DTNA: variants seen among roughly 807,000 people sequenced by gnomAD.
DTNA encodes the protein dystrobrevin alpha, also known as dystrophin-related protein 3.
In DTNA, 43 loss-of-function variants were observed where a neutral mutation model predicts 100.7. The observed-to-expected ratio is 0.43, with a 90% CI of 0.33 to 0.55. The LOEUF (loss-of-function observed/expected upper bound fraction) is 0.55. Ranked by LOEUF, DTNA falls within the 20% of genes least tolerant of loss-of-function variation. The pLI is 0.04. For synonymous variants in DTNA, 349 were observed against 347.9 expected (o/e 1.00, Z -0.04); for missense variants, 798 against 953.9 (o/e 0.84, Z 2.15).
At chr18:34,654,008 T>C (rs1194201887) in intron 1 of DTNA, among the ~76,000 whole-genome samples, 1 of 152,186 alleles carries the variant, frequency 6.6e-6, no homozygotes, top group African/African-American at 2.4e-5. Flanking sequence ...TTTCAGATAA[T>C]TTACTAAAGC....
intron 1 of DTNA, among the ~76,000 whole-genome samples, chr18:34,629,245 G>C (rs1339432785): frequency 6.6e-6 from 1 of 152,032 alleles, no homozygotes; most frequent in Non-Finnish European, 1.5e-5. Flanking sequence ...GTTTTTCCCA[G>C]TGCTTGAAAA....
chr18:34,808,211 A>G (rs2095411886), intron 5 of DTNA, among the ~76,000 whole-genome samples: 1 of 152,160 alleles, frequency 6.6e-6, no homozygotes, highest in African/African-American at 2.4e-5. Context: ...CCTTTAACAT[A>G]CCAGGCTAAT....
At chr18:34,781,816 G>A (rs2094335796) in intron 3 of DTNA, among the ~76,000 whole-genome samples, 1 of 152,176 alleles carries the variant, frequency 6.6e-6, no homozygotes, top group Admixed American at 6.5e-5. Flanking sequence ...TAATGCAGTT[G>A]CTACTTACTC....
At chr18:34,736,460 A>G (rs772931942) in intron 1 of DTNA, among the ~76,000 whole-genome samples, 1 of 152,174 alleles carries the variant, frequency 6.6e-6, no homozygotes, top group South Asian at 2.1e-4. Flanking sequence ...TCATACAGCT[A>G]TTTTGTCATG....
chr18:34,791,725 TCTG>T (rs1385008066), intron 3 of DTNA, among the ~76,000 whole-genome samples: 1 of 152,250 alleles, frequency 6.6e-6, no homozygotes, highest in African/African-American at 2.4e-5. Context: ...TTTGTACTCA[TCTG>T]CTCCAAATCA....
At chr18:34,866,998 A>T (rs1248257907) in intron 17 of DTNA, 3 of 1,213,694 alleles carry the variant, frequency 2.5e-6, no homozygotes, top group Admixed American at 4.3e-5. Context: ...AAAACAAATT[A>T]AATTAAATTA....
intron 4 of DTNA, among the ~76,000 whole-genome samples, chr18:34,804,814 A>T (rs918686702): frequency 1.3e-5 from 2 of 152,152 alleles, no homozygotes; most frequent in Non-Finnish European, 2.9e-5. Flanking sequence ...AATATGAAAG[A>T]GTCACTAGCA....
At chr18:34,744,534 A>C in intron 1 of DTNA, among the ~76,000 whole-genome samples, 1 of 152,206 alleles carries the variant, frequency 6.6e-6, no homozygotes, top group East Asian at 1.9e-4. Flanking sequence ...GAAACGAAGA[A>C]GGTGAATAAA....
intron 1 of DTNA, among the ~76,000 whole-genome samples, chr18:34,753,366 A>T (rs867412017): frequency 1.7e-3 from 231 of 132,994 alleles, no homozygotes; most frequent in African/African-American, 6.2e-3. Context: ...TATTTATTTT[A>T]TTTTTTTTTT....
At chr18:34,863,145 G>C (rs2096651163) in intron 16 of DTNA, among the ~76,000 whole-genome samples, 1 of 152,128 alleles carries the variant, frequency 6.6e-6, no homozygotes. Context: ...AATTTATTTG[G>C]AAAGTATACA....
chr18:34,552,172 T>A (rs1053108067), intron 1 of DTNA, among the ~76,000 whole-genome samples: 2 of 152,134 alleles, frequency 1.3e-5, no homozygotes, highest in African/African-American at 2.4e-5. Flanking sequence ...TTTTCCATCG[T>A]TACTTTTCAT....
chr18:34,777,708 T>C (rs920076271), intron 3 of DTNA, among the ~76,000 whole-genome samples: 2 of 152,134 alleles, frequency 1.3e-5, no homozygotes, highest in Non-Finnish European at 2.9e-5. Context: ...CAAACACTTA[T>C]AAAACCATCA....
At chr18:34,654,604 C>T (rs1241046668) in intron 1 of DTNA, among the ~76,000 whole-genome samples, 3 of 152,258 alleles carry the variant, frequency 2.0e-5, no homozygotes, top group South Asian at 2.1e-4. Context: ...AAAAACATAC[C>T]TCATATGGGT....
chr18:34,809,099 T>C (rs906236638), intron 5 of DTNA, among the ~76,000 whole-genome samples: 2 of 152,166 alleles, frequency 1.3e-5, no homozygotes, highest in Non-Finnish European at 2.9e-5. Context: ...CAAAAATCTC[T>C]CCAGAATGTT....
Position 34,818,272 on chromosome 18 carries a change from G to A in DTNA, c.818G>A (p.Arg273Lys). 6.2e-7 allele frequency: 1 copy of A among 1,614,052 alleles called. No individual in the cohort carries two copies. The highest frequency in any genetic ancestry group is 8.5e-7 in the Non-Finnish European group (1 of 1,179,958). The change falls in exon 8 of 23, where the codon AGG becomes AAG. Residue 273 changes from arginine (R) to lysine (K), a missense_variant. Arg to Lys is a conservative substitution (Grantham distance 26). Around this residue, in one of 6 missense-constraint regions of DTNA, gnomAD observed 81 missense variants for 153.5 expected, o/e 0.53. Transcript: ENST00000444659. ...NYQLCQDCFW[R>K]GHAGGSHSNQ... ...CAGCTCTGTCAGGACTGCTTCTGGAGGGGACATGCCGGTGGTTCTCATAGC... is the reference window on the plus strand; with the variant it reads ...CAGCTCTGTCAGGACTGCTTCTGGAAGGGACATGCCGGTGGTTCTCATAGC...
chr18:34,767,343 A>T (rs1010909025), intron 3 of DTNA, among the ~76,000 whole-genome samples: 1 of 152,106 alleles, frequency 6.6e-6, no homozygotes, highest in Admixed American at 6.5e-5. Flanking sequence ...GACTGTGAGG[A>T]TGCAAAGTAC....
intron 17 of DTNA, chr18:34,866,537 G>C: frequency 8.9e-7 from 1 of 1,120,746 alleles, no homozygotes; most frequent in Non-Finnish European, 1.1e-6. Flanking sequence ...ACAGCACTCA[G>C]AAGCTAACCT....
rs569586213 is a variant in DTNA, at chr18:34,840,320, TC to T, written c.1346+1486del. ...TCTCAAAACTACAAAATTGCTTTATTCCCAAGGAGTTTGGTACTCCAGTGTT... is the reference window on the plus strand; with the variant it reads ...TCTCAAAACTACAAAATTGCTTTATTCCAAGGAGTTTGGTACTCCAGTGTT... On this transcript the variant is annotated intron_variant, in intron 13 of 22. Coordinates refer to ENST00000444659, the MANE Select transcript of DTNA (RefSeq NM_001386795.1). Among the ~76,000 whole-genome samples the T allele has an allele frequency of 5.1e-4, 77 of 152,256 alleles. 2 individuals are homozygous for T. In the East Asian group the frequency reaches 0.013, roughly 26 times the overall value.
In DTNA at chr18:34,830,268, G is replaced by A. The variant is rs369148599; in HGVS notation, c.1175+779G>A. Among the ~76,000 whole-genome samples the A allele has an allele frequency of 2.6e-5, 4 of 151,998 alleles. No homozygotes were observed. In the East Asian group the frequency reaches 7.7e-4, roughly 29 times the overall value. On this transcript the variant is annotated intron_variant, in intron 11 of 22. Transcript: ENST00000444659. ...GTATAGTGCCAGTCAGTATAGGGCAGCACCGAGAAAGTAGAGAAGTTCTCC... is the reference window on the plus strand; with the variant it reads ...GTATAGTGCCAGTCAGTATAGGGCAACACCGAGAAAGTAGAGAAGTTCTCC...
Sources: gnomAD v4.1 joint callset for allele counts (sites outside exome capture counted in the v4.1 genomes callset) on GRCh38, gnomAD v4.1.1 for gene constraint, gnomAD v4.1.1 regional missense constraint, MANE v1.5 for transcripts, NCBI Gene and HGNC (gene_info 2026-07-23, HGNC 2026-07-21) for gene names.